MYT1L: variants seen among roughly 807,000 people sequenced by gnomAD.
MYT1L encodes myelin transcription factor 1 like.
A neutral mutation model predicts 126.7 loss-of-function variants in MYT1L; 12 were observed. The observed-to-expected ratio is 0.09, with a 90% CI of 0.06 to 0.15. The LOEUF (loss-of-function observed/expected upper bound fraction) is 0.15, where lower values mean the gene tolerates loss of function less well. Ranked by LOEUF, MYT1L falls within the 10% of genes least tolerant of loss-of-function variation. The pLI, the probability that MYT1L is intolerant of heterozygous loss-of-function variation, is 1.00. For synonymous variants in MYT1L, 541 were observed against 604.2 expected (o/e 0.90, Z 1.53); for missense variants, 979 against 1,585.2 (o/e 0.62, Z 6.49).
chr2:2,039,127 A>G (rs1475370986), intron 4 of MYT1L, among the ~76,000 whole-genome samples: 1 of 152,226 alleles, frequency 6.6e-6, no homozygotes, highest in Admixed American at 6.5e-5. Flanking sequence ...AATCTCACGG[A>G]GCGCATTTTC....
At chr2:1,908,715 G>A (rs1558357933) in intron 13 of MYT1L, among the ~76,000 whole-genome samples, 2 of 152,356 alleles carry the variant, frequency 1.3e-5, no homozygotes, top group South Asian at 2.1e-4. Context: ...GCTGTGGGCT[G>A]ATGGGGAGAG....
Position 2,200,036 on chromosome 2 carries a change from C to T in MYT1L, c.-420-27048G>A, listed in dbSNP as rs531443536. The stretch of plus-strand genomic sequence containing the variant: ...TCGTTAGGCTGTGCCCTCATACACA[C>T]GCTGGGCCTTACGGTTTACAAAATG... On this transcript the variant is annotated intron_variant, in intron 2 of 24. Transcript: ENST00000647738. Among the ~76,000 whole-genome samples, 15 of 152,312 alleles carry T rather than the reference C, an allele frequency of 9.8e-5. No homozygotes were observed. The South Asian group carries it at 1.2e-3, about 13-fold the overall frequency.
intron 8 of MYT1L, among the ~76,000 whole-genome samples, chr2:1,960,409 A>T (rs2058867326): frequency 6.6e-6 from 1 of 152,226 alleles, no homozygotes; most frequent in Admixed American, 6.5e-5. Flanking sequence ...CAAAGCTGGG[A>T]CTAAATAAAA....
At chr2:2,039,170 T>A (rs1216871048) in intron 4 of MYT1L, among the ~76,000 whole-genome samples, 1 of 152,140 alleles carries the variant, frequency 6.6e-6, no homozygotes, top group Non-Finnish European at 1.5e-5. Context: ...CATGGGGACA[T>A]TATGGTTCAC....
At chr2:1,869,209 T>TTATCCTCTTTTCCACGTGCCACTG (rs1558219599) in intron 18 of MYT1L, among the ~76,000 whole-genome samples, 1 of 145,086 alleles carries the variant, frequency 6.9e-6, no homozygotes, top group Admixed American at 6.7e-5. Flanking sequence ...AGTCCCGGAC[T>TTATCCTCTTTTCCACGTGCCACTG]TATCCTCTTT....
At chr2:1,844,918 C>G (rs1401561321) in intron 19 of MYT1L, among the ~76,000 whole-genome samples, 1 of 152,000 alleles carries the variant, frequency 6.6e-6, no homozygotes, top group Non-Finnish European at 1.5e-5. Flanking sequence ...AGCTACAGCT[C>G]CATGCTCTGC....
At position 1,971,220 on chromosome 2, in the gene MYT1L, G is replaced by C. The variant is rs968926721; in HGVS notation, c.152+7945C>G. 3.9e-5 allele frequency among the ~76,000 whole-genome samples: 6 copies of C among 152,184 alleles called. No homozygotes were observed. In the East Asian group the frequency reaches 1.2e-3, roughly 30 times the overall value. Reference sequence around the variant, plus strand: ...AATAAATAAAATCATGCTCTAAGATGCATTACATGCTTTGCATGTATTAAA... The same window carrying C: ...AATAAATAAAATCATGCTCTAAGATCCATTACATGCTTTGCATGTATTAAA... On this transcript the variant is annotated intron_variant, in intron 8 of 24. Transcript: ENST00000647738.
intron 3 of MYT1L, among the ~76,000 whole-genome samples, chr2:2,056,541 A>C (rs1417064195): frequency 6.6e-6 from 1 of 152,204 alleles, no homozygotes; most frequent in Non-Finnish European, 1.5e-5. Flanking sequence ...GCTTTTAACA[A>C]TAGGTCCTCA....
chr2:1,826,529 C>T (rs796807148), intron 21 of MYT1L, among the ~76,000 whole-genome samples: 3 of 152,162 alleles, frequency 2.0e-5, no homozygotes, highest in African/African-American at 7.2e-5. Context: ...TTCACAGGGC[C>T]CTTTGGGATT....
intron 4 of MYT1L, among the ~76,000 whole-genome samples, chr2:2,049,958 T>G (rs1002924256): frequency 2.0e-5 from 3 of 150,746 alleles, no homozygotes; most frequent in African/African-American, 7.4e-5. Flanking sequence ...TGTGTGTGTG[T>G]GTATATATAT....
At chr2:2,226,692 GCTGCGTTCTCGGAC>G (rs1165427790) in intron 2 of MYT1L, among the ~76,000 whole-genome samples, 4 of 152,108 alleles carry the variant, frequency 2.6e-5, no homozygotes, top group African/African-American at 9.7e-5. Flanking sequence ...CTCATCTGCT[GCTGCGTTCTCGGAC>G]CTGCCCTGAG....
intron 2 of MYT1L, among the ~76,000 whole-genome samples, chr2:2,272,644 C>T (rs997121929): frequency 1.3e-5 from 2 of 152,172 alleles, no homozygotes; most frequent in Admixed American, 1.3e-4. Flanking sequence ...TCTCTGAACT[C>T]CTGAAGCCCA....
At chr2:2,240,011 A>C (rs2094405918) in intron 2 of MYT1L, among the ~76,000 whole-genome samples, 1 of 152,150 alleles carries the variant, frequency 6.6e-6, no homozygotes, top group African/African-American at 2.4e-5. Flanking sequence ...ATCAAATAAA[A>C]GGTAGGCCAG....
intron 3 of MYT1L, among the ~76,000 whole-genome samples, chr2:2,105,811 T>C (rs977534915): frequency 1.3e-5 from 2 of 152,182 alleles, no homozygotes; most frequent in African/African-American, 2.4e-5. Flanking sequence ...CAAATTACCT[T>C]ATGAAACAGC....
At chr2:1,970,602 G>A (rs1229796290) in intron 8 of MYT1L, among the ~76,000 whole-genome samples, 6 of 152,178 alleles carry the variant, frequency 3.9e-5, no homozygotes, top group African/African-American at 1.4e-4. Flanking sequence ...AGGGTTCCCG[G>A]GGGCTCTGTG....
chr2:1,951,683 T>G (rs562127992), intron 8 of MYT1L, among the ~76,000 whole-genome samples: 5 of 152,226 alleles, frequency 3.3e-5, no homozygotes, highest in African/African-American at 1.2e-4. Flanking sequence ...ATCTGTGAGA[T>G]GAAGGGTAGT....
At chr2:2,151,343 T>C (rs1037913351) in intron 3 of MYT1L, among the ~76,000 whole-genome samples, 14 of 152,230 alleles carry the variant, frequency 9.2e-5, no homozygotes, top group African/African-American at 3.4e-4. Context: ...AGTCAGTAAG[T>C]ACATGCAGCT....
rs1465047629 is a variant in MYT1L at position 1,892,088 on chromosome 2, G to A, written c.2232C>T (p.Arg744=). The A allele has an allele frequency of 4.5e-6, 7 of 1,543,028 alleles. No homozygotes were observed. Among genetic ancestry groups the A allele is most frequent in the Admixed American group, 3.9e-5 (2 of 50,952 alleles). Residue 744 remains arginine (R), a synonymous_variant, in exon 15 of 25, where the codon CGC becomes CGT. Transcript: ENST00000647738. ...TGGTGCTCAGGTTCTGCGGCATCTCGCGGCAGCGCGTGGACAGGTTGAGGA... is the reference window on the plus strand; with the variant it reads ...TGGTGCTCAGGTTCTGCGGCATCTCACGGCAGCGCGTGGACAGGTTGAGGA... ...TAILNLSTRC[R]EMPQNLSTKP...
rs1365928255 is a variant in MYT1L at position 1,889,515 on chromosome 2, G to A, written c.2284-38C>T. On this transcript the variant is annotated intron_variant, in intron 15 of 24. Coordinates refer to ENST00000647738, the MANE Select transcript of MYT1L (RefSeq NM_001303052.2). The surrounding 1 kb of genome is among the most constrained non-coding windows in gnomAD (Gnocchi z 4.1). Reference sequence around the variant, plus strand: ...AGACATAGTGACTGTGCTTGGCCCGGCATCTTGTGACACCACGAGTCCTTC... The same window carrying A: ...AGACATAGTGACTGTGCTTGGCCCGACATCTTGTGACACCACGAGTCCTTC... 1.3e-6 allele frequency: 2 copies of A among 1,506,964 alleles called. No individual in the cohort carries two copies. Among genetic ancestry groups the A allele is most frequent in the South Asian group, 2.5e-5 (2 of 78,860 alleles). The allele number at this position is 1,506,964 out of a possible 1,614,324, so 93.3% of individuals were successfully genotyped here.
Sources: allele counts gnomAD v4.1 joint callset (sites outside exome capture counted in the v4.1 genomes callset), GRCh38; gene constraint gnomAD v4.1.1; non-coding constraint Gnocchi (gnomAD v3.1); transcripts MANE v1.5; gene names NCBI Gene and HGNC (gene_info 2026-07-23, HGNC 2026-07-21).